Variants in PSMG2 observed in about 807,000 individuals in gnomAD.
PSMG2 encodes the protein CD40 ligand-activated specific transcript 3.
Under a neutral mutation model 31.5 loss-of-function variants are expected in PSMG2, and 21 were observed. That is an observed-to-expected ratio of 0.67 (90% confidence interval 0.47 to 0.96). The LOEUF (loss-of-function observed/expected upper bound fraction) is 0.96, where lower values mean the gene tolerates loss of function less well. PSMG2 is among the 40% of genes least tolerant of loss of function. The pLI is 0.00. For synonymous variants in PSMG2, 120 were observed against 110.4 expected (o/e 1.09, Z -0.54); for missense variants, 318 against 321.2 (o/e 0.99, Z 0.08).
At chr18:12,673,211 T>C in intron 1 of PSMG2, 1 of 1,347,268 alleles carries the variant, frequency 7.4e-7, no homozygotes, top group South Asian at 2.3e-5. Flanking sequence ...GCATGATTTT[T>C]TTTAAACATT....
At chr18:12,665,888 G>C (rs983969614) in intron 1 of PSMG2, among the ~76,000 whole-genome samples, 1 of 152,094 alleles carries the variant, frequency 6.6e-6, no homozygotes, top group Non-Finnish European at 1.5e-5. Context: ...GTAGAGACAG[G>C]GTTTCACCAT....
At chr18:12,659,491 A>C (rs2011575) in intron 1 of PSMG2, among the ~76,000 whole-genome samples, 36,053 of 151,948 alleles carry the variant, frequency 0.24, 4,961 homozygotes, top group Non-Finnish European at 0.32. Context: ...ACATGGGGAA[A>C]CCCTGTCTCT....
At chr18:12,691,360 T>C in intron 1 of PSMG2, 1 of 1,566,532 alleles carries the variant, frequency 6.4e-7, no homozygotes, top group Non-Finnish European at 8.6e-7. Context: ...TTTACAAACC[T>C]GTGCAAAAAT....
Position 12,725,449 on chromosome 18 carries a change from C to G in PSMG2, c.713C>G (p.Pro238Arg). 1 of 1,592,532 alleles carries G rather than the reference C, an allele frequency of 6.3e-7. No individual in the cohort carries two copies. The highest frequency in any genetic ancestry group is 8.6e-7 in the Non-Finnish European group (1 of 1,161,270). Residue 238 changes from proline (P) to arginine (R), a missense_variant, in exon 7 of 7, where the codon CCC becomes CGC. Pro to Arg is a moderately radical substitution (Grantham distance 103, BLOSUM62 -2). Coordinates refer to ENST00000317615, the MANE Select transcript of PSMG2 (RefSeq NM_020232.5). ...LQILKPLSDD[P>R]TVSASRWKIP... is the part of the protein sequence containing the mutation. ...GTTCTTCAATTACAGAGCGATGACC[C>G]CACAGTATCTGCCTCACGGTGGAAA...
intron 1 of PSMG2, among the ~76,000 whole-genome samples, chr18:12,704,613 T>G (rs1341905290): frequency 1.3e-5 from 2 of 152,070 alleles, no homozygotes; most frequent in African/African-American, 2.4e-5. Flanking sequence ...TAATAAGAGA[T>G]AAAGTTTCTG....
chr18:12,670,667 TAA>T (rs2038919642), intron 1 of PSMG2: 1 of 67,906 alleles, frequency 1.5e-5, no homozygotes, highest in Admixed American at 1.9e-4. Flanking sequence ...TTAACTTTTT[TAA>T]AAAGTTTTTT....
intron 1 of PSMG2, among the ~76,000 whole-genome samples, chr18:12,697,976 C>T (rs2040014079): frequency 1.3e-5 from 2 of 151,728 alleles, no homozygotes; most frequent in Non-Finnish European, 1.5e-5. Context: ...TAAAGATTTC[C>T]ATACTGACAA....
intron 1 of PSMG2, among the ~76,000 whole-genome samples, chr18:12,682,939 C>A (rs2039402664): frequency 6.6e-6 from 1 of 151,808 alleles, no homozygotes; most frequent in East Asian, 1.9e-4. Flanking sequence ...CCTTTTAGAC[C>A]CAATTATTTC....
At chr18:12,669,999 A>C (rs2038902337) in intron 1 of PSMG2, among the ~76,000 whole-genome samples, 1 of 150,510 alleles carries the variant, frequency 6.6e-6, no homozygotes, top group African/African-American at 2.5e-5. Context: ...CTGTCTCAAA[A>C]AAAAAAAGAA....
intron 1 of PSMG2, among the ~76,000 whole-genome samples, chr18:12,689,014 T>C (rs9948844): frequency 0.3 from 45,860 of 151,976 alleles, 6,986 homozygotes; most frequent in Non-Finnish European, 0.32. Context: ...CTTGGGAGGC[T>C]GAGGCAGGAG....
At chr18:12,693,395 G>A (rs1309187750) in intron 1 of PSMG2, among the ~76,000 whole-genome samples, 3 of 151,676 alleles carry the variant, frequency 2.0e-5, no homozygotes, top group South Asian at 4.2e-4. Context: ...CTGCACTCAA[G>A]CCTGAGAGAG....
At chr18:12,687,843 T>C (rs986296958) in intron 1 of PSMG2, among the ~76,000 whole-genome samples, 4 of 152,134 alleles carry the variant, frequency 2.6e-5, no homozygotes, top group African/African-American at 9.7e-5. Context: ...GAACTTAGCA[T>C]TACTAATAAT....
At chr18:12,688,985 G>C (rs1327091617) in intron 1 of PSMG2, among the ~76,000 whole-genome samples, 1 of 152,012 alleles carries the variant, frequency 6.6e-6, no homozygotes, top group Admixed American at 6.6e-5. Context: ...ATGGTGGCAC[G>C]TGCCTGTAGT....
At chr18:12,724,387 G>A (rs554733455) in intron 5 of PSMG2, 112 bp from the exon 6 acceptor site, 19 of 1,101,616 alleles carry the variant, frequency 1.7e-5, no homozygotes, top group South Asian at 3.9e-5. Context: ...ATGGTGTGGC[G>A]TCTTTTCCTT....
At position 12,716,462 on chromosome 18, in the gene PSMG2, C is replaced by T. The variant is rs367899825; in HGVS notation, c.289-2055C>T. On this transcript the variant is annotated intron_variant, in intron 3 of 6. Coordinates refer to ENST00000317615, the MANE Select transcript of PSMG2 (RefSeq NM_020232.5). ...AGGCTGGACCGCAGTGGCATGATCTCGGCTCACTGCAAGCTCCACCTCCTG... is the reference window on the plus strand; with the variant it reads ...AGGCTGGACCGCAGTGGCATGATCTTGGCTCACTGCAAGCTCCACCTCCTG... Among the ~76,000 whole-genome samples, 370 of 146,946 alleles carry T rather than the reference C, an allele frequency of 2.5e-3. 2 individuals carry two copies. Among genetic ancestry groups the T allele is most frequent in the African/African-American group, 9.0e-3 (355 of 39,472 alleles).
intron 1 of PSMG2, among the ~76,000 whole-genome samples, chr18:12,673,859 C>A (rs985012147): frequency 6.6e-6 from 1 of 151,978 alleles, no homozygotes; most frequent in Admixed American, 6.6e-5. Context: ...ACAGCCTGGG[C>A]GACAGACTGA....
chr18:12,724,815 T>G, intron 6 of PSMG2, 196 bp downstream of exon 6: 1 of 533,308 alleles, frequency 1.9e-6, no homozygotes, highest in Non-Finnish European at 2.9e-6. Flanking sequence ...AGTTTTTTCA[T>G]TAAAGCTGAC....
chr18:12,708,010 G>A (rs560624550), intron 2 of PSMG2, among the ~76,000 whole-genome samples: 103 of 152,232 alleles, frequency 6.8e-4, no homozygotes, highest in African/African-American at 1.3e-3. Context: ...GACCGGGTGC[G>A]TTGGTGCACA....
upstream of PSMG2, chr18:12,703,028 G>A (rs1353196380): frequency 2.0e-6 from 3 of 1,510,376 alleles, no homozygotes; most frequent in African/African-American, 2.8e-5. Context: ...GAGGCTCCGG[G>A]GTCTCGGGCT....
Sources: allele counts gnomAD v4.1 joint callset (sites outside exome capture counted in the v4.1 genomes callset), GRCh38; gene constraint gnomAD v4.1.1; transcripts MANE v1.5; gene names NCBI Gene and HGNC (gene_info 2026-07-23, HGNC 2026-07-21).